Variants in TESK2 observed in about 807,000 individuals in gnomAD.
TESK2 encodes the protein testis associated actin remodelling kinase 2, also known as dual specificity testis-specific protein kinase 2.
A neutral mutation model predicts 57.1 loss-of-function variants in TESK2; 39 were observed. The observed-to-expected ratio is 0.68, with a 90% CI of 0.53 to 0.89. TESK2 has a LOEUF of 0.89. TESK2 is among the 40% of genes least tolerant of loss of function. The pLI is 0.00. For synonymous variants in TESK2, 249 were observed against 267.9 expected (o/e 0.93, Z 0.69); for missense variants, 646 against 732.1 (o/e 0.88, Z 1.36).
intron 5 of TESK2, among the ~76,000 whole-genome samples, chr1:45,352,218 G>A (rs12082905): frequency 6.6e-6 from 1 of 152,052 alleles, no homozygotes; most frequent in Non-Finnish European, 1.5e-5. Flanking sequence ...GTTTGCAAAC[G>A]TCCTTTGTTC....
At chr1:45,345,827 C>G (rs761324690) in intron 10 of TESK2, 50 bp downstream of exon 10, 1 of 1,482,022 alleles carries the variant, frequency 6.7e-7, no homozygotes, top group Non-Finnish European at 9.4e-7. Context: ...GCCCCACATC[C>G]GAATTTCCTC....
At chr1:45,388,465 T>G (rs1648987800) in intron 3 of TESK2, among the ~76,000 whole-genome samples, 1 of 152,344 alleles carries the variant, frequency 6.6e-6, no homozygotes, top group East Asian at 1.9e-4. Flanking sequence ...ATTGGCTAAC[T>G]ATGGCCAACT....
chr1:45,417,298 C>A (rs142269186), intron 3 of TESK2, among the ~76,000 whole-genome samples: 13 of 152,206 alleles, frequency 8.5e-5, no homozygotes, highest in African/African-American at 3.1e-4. Flanking sequence ...ATGGTGCAAT[C>A]TCAGCTCACT....
chr1:45,385,328 G>A lies in TESK2; in HGVS notation c.393+584C>T, dbSNP rs1295345353. 16 of 985,094 alleles carry A rather than the reference G, an allele frequency of 1.6e-5. No individual in the cohort carries two copies. The East Asian group carries it at 1.2e-3, about 77-fold the overall frequency. The allele number at this position is 985,094 out of a possible 1,614,324, so 61.0% of individuals were successfully genotyped here. A position where few individuals can be genotyped will look rare whatever the true frequency, so the allele number is the denominator to read the frequency against. On this transcript the variant is annotated intron_variant, in intron 4 of 10. Transcript: ENST00000372086. ...CTCTAAAGAGAGTTCTCTGATCCTC[G>A]GAGGATGAATAATGACTATCACATA...
chr1:45,355,419 G>A lies in TESK2; in HGVS notation c.424C>T (p.Leu142=), dbSNP rs758202904. The A allele has an allele frequency of 1.2e-6, 2 of 1,612,204 alleles. No individual in the cohort carries two copies. The highest frequency in any genetic ancestry group is 3.4e-5 in the Admixed American group (2 of 59,514). The change falls in exon 5 of 11, where the codon CTA becomes TTA. Residue 142 remains leucine (L), a synonymous_variant. Coordinates refer to ENST00000372086, the MANE Select transcript of TESK2 (RefSeq NM_007170.3). ...YINSGNLEQL[L]DSNLHLPWTV... ...CAAGGCAAATGCAGGTTACTGTCTA[G>A]CAACTGTTCCAGGTTCCCGGAGTTG...
At chr1:45,427,613 A>G (rs1406079844) in intron 2 of TESK2, among the ~76,000 whole-genome samples, 1 of 152,236 alleles carries the variant, frequency 6.6e-6, no homozygotes, top group Non-Finnish European at 1.5e-5. Flanking sequence ...TTGCAACAAC[A>G]TGGGTGGAAC....
intron 2 of TESK2, among the ~76,000 whole-genome samples, chr1:45,452,357 G>A (rs1242287622): frequency 6.6e-6 from 1 of 151,944 alleles, no homozygotes; most frequent in Non-Finnish European, 1.5e-5. Flanking sequence ...GTATCTAGAA[G>A]CCAAATTAAC....
At chr1:45,395,918 C>CT (rs1228125769) in intron 3 of TESK2, among the ~76,000 whole-genome samples, 1 of 152,052 alleles carries the variant, frequency 6.6e-6, no homozygotes, top group Non-Finnish European at 1.5e-5. Context: ...GCTTGTTAGT[C>CT]TTTCTCTGAA....
chr1:45,480,782 G>T (rs1653185704), intron 1 of TESK2, among the ~76,000 whole-genome samples: 1 of 151,268 alleles, frequency 6.6e-6, no homozygotes, highest in South Asian at 2.1e-4. Flanking sequence ...GAGGTCAGGA[G>T]TTCGAGACTA....
intron 2 of TESK2, among the ~76,000 whole-genome samples, chr1:45,436,181 C>CTTTTT (rs1170732475): frequency 0.051 from 2,888 of 56,204 alleles, 755 homozygotes; most frequent in Non-Finnish European, 0.072. Flanking sequence ...TTGGTATCTT[C>CTTTTT]TTTTTTTTTT....
At chr1:45,435,992 G>A (rs1396171190) in intron 2 of TESK2, among the ~76,000 whole-genome samples, 1 of 151,748 alleles carries the variant, frequency 6.6e-6, no homozygotes, top group Non-Finnish European at 1.5e-5. Flanking sequence ...CTATGTGTCT[G>A]ATTTATACAA....
rs554500519 is a variant in TESK2, at chr1:45,371,867, A to G, written c.393+14045T>C. Among the ~76,000 whole-genome samples the G allele has an allele frequency of 2.0e-5, 3 of 152,192 alleles. No individual in the cohort carries two copies. The South Asian group carries it at 6.2e-4, about 32-fold the overall frequency. On this transcript the variant is annotated intron_variant, in intron 4 of 10. Coordinates refer to ENST00000372086, the MANE Select transcript of TESK2 (RefSeq NM_007170.3). ...TGGGTGACAGCGAGATCCTGTCTCA[A>G]AAGTAAAAAGAAAATAGAATGGTTG...
intron 2 of TESK2, among the ~76,000 whole-genome samples, chr1:45,425,830 C>A (rs1350410985): frequency 1.3e-5 from 2 of 151,938 alleles, no homozygotes; most frequent in Non-Finnish European, 2.9e-5. Flanking sequence ...CCCAGAATCG[C>A]CAAAGCCATC....
At chr1:45,452,526 A>G (rs370592974) in intron 2 of TESK2, among the ~76,000 whole-genome samples, 32 of 152,216 alleles carry the variant, frequency 2.1e-4, no homozygotes, top group East Asian at 7.7e-4. Flanking sequence ...ACAAAAATTA[A>G]AATGAATTAA....
rs530098711 is a variant in TESK2, at chr1:45,435,985, T to C, written c.223-14139A>G. ...GGATTTATTCTGTTCCATTGGTCTA[T>C]GTGTCTGATTTATACAAATATCATG... is the stretch of plus-strand genomic sequence containing the variant. On this transcript the variant is annotated intron_variant, in intron 2 of 10. Transcript: ENST00000372086. Among the ~76,000 whole-genome samples, 5 of 152,090 alleles carry C rather than the reference T, an allele frequency of 3.3e-5. No individual in the cohort carries two copies. The South Asian group carries it at 6.2e-4, about 19-fold the overall frequency.
intron 3 of TESK2, among the ~76,000 whole-genome samples, chr1:45,401,317 A>G (rs1453561001): frequency 6.6e-6 from 1 of 152,022 alleles, no homozygotes; most frequent in East Asian, 1.9e-4. Flanking sequence ...GAATTGCTTG[A>G]ACTTGGGAGG....
chr1:45,384,277 C>T (rs1375760976), intron 4 of TESK2, among the ~76,000 whole-genome samples: 3 of 152,188 alleles, frequency 2.0e-5, no homozygotes, highest in Admixed American at 2.0e-4. Context: ...TCTCCCCAGA[C>T]TTTCATTCAT....
chr1:45,428,161 T>C (rs1274989911), intron 2 of TESK2, among the ~76,000 whole-genome samples: 3 of 152,216 alleles, frequency 2.0e-5, no homozygotes, highest in African/African-American at 7.2e-5. Context: ...AACTTCTTTA[T>C]ACATATTAAC....
At chr1:45,438,302 C>G (rs557247351) in intron 2 of TESK2, among the ~76,000 whole-genome samples, 1 of 152,092 alleles carries the variant, frequency 6.6e-6, no homozygotes, top group Non-Finnish European at 1.5e-5. Flanking sequence ...TCGAGACCAA[C>G]CTGGCCAACA....
Sources: gnomAD v4.1 joint callset for allele counts (sites outside exome capture counted in the v4.1 genomes callset) on GRCh38, gnomAD v4.1.1 for gene constraint, MANE v1.5 for transcripts, NCBI Gene and HGNC (gene_info 2026-07-23, HGNC 2026-07-21) for gene names.